DCHS2: variants seen among roughly 807,000 people sequenced by gnomAD.
DCHS2 encodes the protein dachsous cadherin-related 2.
In DCHS2, 142 loss-of-function variants were observed where a neutral mutation model predicts 182.4. That is an observed-to-expected ratio of 0.78 (90% CI 0.68 to 0.89). The LOEUF is 0.89. Ranked by LOEUF, DCHS2 falls within the 40% of genes least tolerant of loss-of-function variation. The pLI, the probability that DCHS2 is intolerant of heterozygous loss-of-function variation, is 0.00. For missense variants in DCHS2, 4,319 were observed against 4,198.6 expected, an observed-to-expected ratio of 1.03 and a Z score of -0.79; for synonymous variants, 1,740 against 1,663.3, an observed-to-expected ratio of 1.05 and a Z score of -1.12.
intron 16 of DCHS2, among the ~76,000 whole-genome samples, chr4:154,247,176 G>T (rs1732111031): frequency 6.6e-6 from 1 of 152,056 alleles, no homozygotes; most frequent in Non-Finnish European, 1.5e-5. Flanking sequence ...ATTATACAAA[G>T]TAAAAGAATC....
intron 1 of DCHS2, among the ~76,000 whole-genome samples, chr4:154,389,535 T>TATATATATATATATAA (rs1243968167): frequency 1.4e-5 from 2 of 146,018 alleles, no homozygotes; most frequent in Admixed American, 1.4e-4. Flanking sequence ...TATATATATA[T>TATATATATATATATAA]AACCTTTTTT....
intron 1 of DCHS2, among the ~76,000 whole-genome samples, chr4:154,418,667 C>T (rs1732971622): frequency 6.6e-6 from 1 of 152,114 alleles, no homozygotes; most frequent in South Asian, 2.1e-4. Flanking sequence ...TCCTTTTCTA[C>T]CCTGATATAA....
At chr4:154,274,897 CAAAAT>C (rs1733765797) in intron 13 of DCHS2, among the ~76,000 whole-genome samples, 1 of 151,636 alleles carries the variant, frequency 6.6e-6, no homozygotes, top group Non-Finnish European at 1.5e-5. Context: ...AAAAAACAAA[CAAAAT>C]AACAACAAAA....
At chr4:154,467,938 G>A (rs1028213336) in intron 1 of DCHS2, among the ~76,000 whole-genome samples, 5 of 152,078 alleles carry the variant, frequency 3.3e-5, no homozygotes, top group African/African-American at 1.2e-4. Context: ...AAACAGTTTT[G>A]AAGATACATG....
chr4:154,280,473 A>G (rs144362011), intron 13 of DCHS2, among the ~76,000 whole-genome samples: 24 of 152,308 alleles, frequency 1.6e-4, no homozygotes, highest in African/African-American at 5.5e-4. Flanking sequence ...AAAATTTATC[A>G]ATAAAATACT....
At chr4:154,462,841 A>G (rs1735068984) in intron 1 of DCHS2, among the ~76,000 whole-genome samples, 1 of 152,162 alleles carries the variant, frequency 6.6e-6, no homozygotes, top group African/African-American at 2.4e-5. Context: ...AGATCCTAAA[A>G]CAAGATGATA....
chr4:154,373,924 A>G lies in DCHS2; in HGVS notation c.2244+3329T>C, dbSNP rs11721758. 689,953 of 1,597,486 alleles carry G rather than the reference A, an allele frequency of 0.43. 152,933 individuals carry two copies. The highest frequency in any genetic ancestry group is 0.46 in the Non-Finnish European group (532,741 of 1,170,740). On this transcript the variant is annotated intron_variant, in intron 2 of 19. Transcript: ENST00000357232. ...TAGAAACATCATGTTCCTTACCTTC[A>G]CCAGGGCTAAATGTGTCATTCTCTG... is the stretch of plus-strand genomic sequence containing the variant.
chr4:154,367,639 G>A (rs568704257), intron 2 of DCHS2, among the ~76,000 whole-genome samples: 2 of 152,142 alleles, frequency 1.3e-5, no homozygotes, highest in Non-Finnish European at 2.9e-5. Flanking sequence ...GGTACATTTT[G>A]ACACTTTCAT....
At position 154,237,104 on chromosome 4, in the gene DCHS2, T is replaced by C. The variant is rs1001360728; in HGVS notation, c.7548A>G (p.Gln2516=). 8 of 1,613,232 alleles carry C rather than the reference T, an allele frequency of 5.0e-6. No homozygotes were observed. Among genetic ancestry groups the C allele is most frequent in the Non-Finnish European group, 6.8e-6 (8 of 1,179,862 alleles). ...VLLLDTISTT[Q]FLVEASDGGN... ...CACCATCACTGGCTTCCACAAGAAA[T>C]TGAGTTGTTGATATTGTATCCAGAA... The change falls in exon 20 of 20, where the codon CAA becomes CAG. Residue 2516 remains glutamine, a synonymous_variant. Transcript: ENST00000357232.
At chr4:154,323,065 C>T (rs1736138782) in intron 7 of DCHS2, 1 of 800,204 alleles carries the variant, frequency 1.2e-6, no homozygotes. Context: ...GGATTCCTGC[C>T]ACCCATCTCT....
At chr4:154,476,316 C>A (rs1560780704) in intron 1 of DCHS2, among the ~76,000 whole-genome samples, 1 of 152,090 alleles carries the variant, frequency 6.6e-6, no homozygotes, top group Non-Finnish European at 1.5e-5. Flanking sequence ...TGCTAATATG[C>A]AAAATTCATA....
chr4:154,297,675 G>T (rs1308957210), intron 13 of DCHS2, among the ~76,000 whole-genome samples, 176 bp downstream of exon 13: 1 of 152,194 alleles, frequency 6.6e-6, no homozygotes, highest in Non-Finnish European at 1.5e-5. Flanking sequence ...CTTCTGCCCT[G>T]TCATTTCATC....
At chr4:154,339,782 T>C (rs372911264) in intron 3 of DCHS2, among the ~76,000 whole-genome samples, 6 of 152,192 alleles carry the variant, frequency 3.9e-5, no homozygotes, top group East Asian at 1.9e-4. Context: ...CTCTATTTAA[T>C]GTAAAAGAAA....
At chr4:154,428,006 G>T (rs17373494) in intron 1 of DCHS2, among the ~76,000 whole-genome samples, 1 of 151,964 alleles carries the variant, frequency 6.6e-6, no homozygotes, top group African/African-American at 2.4e-5. Flanking sequence ...CTGGAGATGC[G>T]GTCTGGAGCC....
chr4:154,371,068 A>C (rs1348692169), intron 2 of DCHS2, among the ~76,000 whole-genome samples: 1 of 152,174 alleles, frequency 6.6e-6, no homozygotes, highest in Non-Finnish European at 1.5e-5. Flanking sequence ...AAGTCAAGGA[A>C]CTGAGAGGCT....
chr4:154,300,564 G>A (rs1735158457), intron 12 of DCHS2, among the ~76,000 whole-genome samples: 1 of 151,022 alleles, frequency 6.6e-6, no homozygotes, highest in Non-Finnish European at 1.5e-5. Context: ...ACATGTGCCT[G>A]TATTCCCCGC....
intron 1 of DCHS2, among the ~76,000 whole-genome samples, chr4:154,408,499 T>G (rs1732491162): frequency 6.6e-6 from 1 of 152,204 alleles, no homozygotes; most frequent in Admixed American, 6.5e-5. Flanking sequence ...TATTTTTTAA[T>G]TTAATAGTTT....
rs554343783 is a variant in DCHS2 at position 154,447,057 on chromosome 4, C to T, written c.2052+42247G>A. Among the ~76,000 whole-genome samples, 36 of 152,068 alleles carry T rather than the reference C, an allele frequency of 2.4e-4. No homozygotes were observed. In the South Asian group the frequency reaches 6.7e-3, roughly 28 times the overall value. On this transcript the variant is annotated intron_variant, in intron 1 of 19. Coordinates refer to ENST00000357232, the MANE Select transcript of DCHS2 (RefSeq NM_001358235.2). ...CTGTAATCCCAGCATTTTGGGAGGC[C>T]GAGGCGGGCAGATTACTTAAGGTCA...
rs372810438 is a variant in DCHS2, at chr4:154,320,728, C to G, written c.4671G>C (p.Thr1557=). The change falls in exon 9 of 20, where the codon ACG becomes ACC. Residue 1557 remains threonine, a synonymous_variant. Transcript: ENST00000357232. ...ATGAGGGGTGGATGAGAAATGGATT[C>G]GTGCCAGGGTTGTGGGATTCAATGT... ...QYYIESHNPG[T]NPFLIHPSFG... is the part of the protein sequence containing the mutation. 6.2e-7 allele frequency: 1 copy of G among 1,613,878 alleles called. No homozygotes were observed. The highest frequency in any genetic ancestry group is 1.3e-5 in the African/African-American group (1 of 74,858).
Sources: gnomAD v4.1 joint callset for allele counts (sites outside exome capture counted in the v4.1 genomes callset) on GRCh38, gnomAD v4.1.1 for gene constraint, MANE v1.5 for transcripts, NCBI Gene and HGNC (gene_info 2026-07-23, HGNC 2026-07-21) for gene names.